CLVS1: variants seen among roughly 807,000 people sequenced by gnomAD.
CLVS1 encodes clavesin-1.
In CLVS1, 10 loss-of-function variants were observed where a neutral mutation model predicts 33.1. The ratio of observed to expected loss-of-function variants is 0.30; its 90% CI spans 0.19 to 0.51. The LOEUF is 0.51. Among genes scored for constraint, CLVS1 ranks in the 20% least tolerant of loss-of-function variants. CLVS1 has a pLI of 0.97. For missense variants in CLVS1, 343 were observed against 433.4 expected (o/e 0.79, Z 1.85); for synonymous variants, 163 against 166.1 (o/e 0.98, Z 0.14).
At chr8:61,216,332 G>A (rs1456591435) in intron 2 of CLVS1, among the ~76,000 whole-genome samples, 3 of 152,178 alleles carry the variant, frequency 2.0e-5, no homozygotes, top group Admixed American at 6.5e-5. Context: ...AGTCTTGCTA[G>A]CCAAAAACAT....
chr8:61,380,154 G>A (rs983955823), intron 3 of CLVS1, among the ~76,000 whole-genome samples: 3 of 152,176 alleles, frequency 2.0e-5, no homozygotes, highest in African/African-American at 7.2e-5. Flanking sequence ...CTCCAAAGTG[G>A]ATGTGATTCT....
intron 5 of CLVS1, among the ~76,000 whole-genome samples, chr8:61,486,221 G>A (rs1016622309): frequency 6.6e-6 from 1 of 152,160 alleles, no homozygotes; most frequent in African/African-American, 2.4e-5. Context: ...GTACTCAATG[G>A]GACAGGTGGC....
At chr8:61,481,297 C>T (rs867404122) in intron 5 of CLVS1, among the ~76,000 whole-genome samples, 5 of 152,274 alleles carry the variant, frequency 3.3e-5, no homozygotes, top group South Asian at 2.1e-4. Flanking sequence ...CCAGTGTGAG[C>T]GACGCAGAAG....
intron 3 of CLVS1, among the ~76,000 whole-genome samples, chr8:61,383,572 G>A (rs1363006032): frequency 8.5e-5 from 13 of 152,120 alleles, no homozygotes; most frequent in Non-Finnish European, 1.6e-4. Context: ...TCACAAAGCT[G>A]TAATTTTGAA....
At chr8:61,207,534 A>G (rs1807880948) in intron 2 of CLVS1, among the ~76,000 whole-genome samples, 1 of 152,222 alleles carries the variant, frequency 6.6e-6, no homozygotes, top group Non-Finnish European at 1.5e-5. Flanking sequence ...GTGTGCATGC[A>G]CAATTTTTAC....
intron 2 of CLVS1, among the ~76,000 whole-genome samples, chr8:61,213,870 C>A (rs11787047): frequency 0.082 from 12,532 of 152,234 alleles, 995 homozygotes; most frequent in African/African-American, 0.21. Flanking sequence ...AGCCATATTT[C>A]TCTTCTTTCA....
chr8:61,331,789 G>GCTTCTTCTT (rs145812233), intron 2 of CLVS1, among the ~76,000 whole-genome samples: 2 of 148,734 alleles, frequency 1.3e-5, no homozygotes, highest in East Asian at 2.0e-4. Context: ...ATTTCCTCCA[G>GCTTCTTCTT]CTTCTTCTTC....
At chr8:61,339,816 G>A (rs1269577529) in intron 2 of CLVS1, among the ~76,000 whole-genome samples, 1 of 142,680 alleles carries the variant, frequency 7.0e-6, no homozygotes, top group Middle Eastern at 3.5e-3. Context: ...AAGGAAAGGA[G>A]GGAAAGAAAG....
At chr8:61,078,575 C>T (rs1198844359) in intron 1 of CLVS1, among the ~76,000 whole-genome samples, 1 of 152,176 alleles carries the variant, frequency 6.6e-6, no homozygotes. Context: ...TCTCAGAAGC[C>T]TTCATCTAAT....
At chr8:61,209,289 T>G (rs1347251502) in intron 2 of CLVS1, among the ~76,000 whole-genome samples, 1 of 152,256 alleles carries the variant, frequency 6.6e-6, no homozygotes, top group Non-Finnish European at 1.5e-5. Context: ...GTTTGGAGGC[T>G]GCAGTGTTGG....
the CLVS1 span, among the ~76,000 whole-genome samples, chr8:61,007,551 A>C: frequency 6.6e-6 from 1 of 152,204 alleles, no homozygotes; most frequent in African/African-American, 2.4e-5. Context: ...GATTCCAGTA[A>C]GTCTCCCAGA....
intron 1 of CLVS1, among the ~76,000 whole-genome samples, chr8:61,116,033 C>A (rs1464187216): frequency 4.1e-5 from 6 of 145,588 alleles, no homozygotes; most frequent in African/African-American, 7.7e-5. Context: ...CTCTCCAGCA[C>A]CTGTTGTTTC....
At chr8:61,303,987 T>A (rs16927165) in intron 2 of CLVS1, among the ~76,000 whole-genome samples, 6 of 152,192 alleles carry the variant, frequency 3.9e-5, no homozygotes, top group African/African-American at 1.4e-4. Context: ...GGGCAATGAA[T>A]GTGAACTACG....
chr8:61,126,826 C>T (rs532823576), intron 1 of CLVS1, among the ~76,000 whole-genome samples: 1 of 152,350 alleles, frequency 6.6e-6, no homozygotes, highest in African/African-American at 2.4e-5. Flanking sequence ...TTTACACAAC[C>T]TCTCTCTACA....
At chr8:61,175,565 G>A (rs189269233) in intron 2 of CLVS1, among the ~76,000 whole-genome samples, 49 of 152,250 alleles carry the variant, frequency 3.2e-4, no homozygotes, top group Admixed American at 1.0e-3. Context: ...TTAAGATGAC[G>A]TCACCCTGGA....
chr8:61,482,749 C>T (rs1207169886), intron 5 of CLVS1, among the ~76,000 whole-genome samples: 2 of 152,298 alleles, frequency 1.3e-5, no homozygotes, highest in South Asian at 2.1e-4. Flanking sequence ...GTCTCTCAGA[C>T]CACAGTGCAA....
chr8:61,108,008 C>G (rs1387802780), intron 1 of CLVS1, among the ~76,000 whole-genome samples: 1 of 152,104 alleles, frequency 6.6e-6, no homozygotes, highest in Non-Finnish European at 1.5e-5. Flanking sequence ...TGGCTCACGC[C>G]TGTAATCCCA....
At chr8:61,482,487 T>C (rs373256174) in intron 5 of CLVS1, among the ~76,000 whole-genome samples, 19 of 152,250 alleles carry the variant, frequency 1.2e-4, no homozygotes, top group Admixed American at 1.0e-3. Flanking sequence ...CTAACTAGAA[T>C]AAACAGTGTA....
chr8:61,197,623 G>A (rs1258605555), intron 2 of CLVS1, among the ~76,000 whole-genome samples: 4 of 152,018 alleles, frequency 2.6e-5, no homozygotes, highest in African/African-American at 4.8e-5. Context: ...GGGTTCAAGC[G>A]ATTCTCCTGC....
Sources: allele counts gnomAD v4.1 joint callset (sites outside exome capture counted in the v4.1 genomes callset), GRCh38; gene constraint gnomAD v4.1.1; transcripts MANE v1.5; gene names NCBI Gene and HGNC (gene_info 2026-07-23, HGNC 2026-07-21).